USP13: variants seen among roughly 807,000 people sequenced by gnomAD.
USP13 encodes ubiquitin specific peptidase 13, also known as ubiquitin carboxyl-terminal hydrolase 13.
Under a neutral mutation model 107.8 loss-of-function variants are expected in USP13, and 68 were observed. The ratio of observed to expected loss-of-function variants is 0.63; its 90% CI spans 0.52 to 0.77. The LOEUF is 0.77. Ranked by LOEUF, USP13 falls within the 30% of genes least tolerant of loss-of-function variation. The pLI is 0.00. For missense variants in USP13, 945 were observed against 1,093.3 expected, an observed-to-expected ratio of 0.86 and a Z score of 1.91; for synonymous variants, 377 against 389.5, an observed-to-expected ratio of 0.97 and a Z score of 0.38.
intron 4 of USP13, 21 bp downstream of exon 4, chr3:179,701,150 G>A: frequency 1.4e-6 from 2 of 1,397,196 alleles, no homozygotes; most frequent in South Asian, 1.1e-5. Context: ...GTGCACGGCT[G>A]CTAGCTAGAT....
rs1362254714 is a variant in USP13, at chr3:179,707,081, G to A, written c.620+5G>A. The A allele has an allele frequency of 4.3e-6, 7 of 1,612,056 alleles. No individual in the cohort carries two copies. In the South Asian group the frequency reaches 7.7e-5, roughly 18 times the overall value. On this transcript the variant is annotated splice_donor_5th_base_variant and intron_variant, in intron 5 of 20. Coordinates refer to ENST00000263966, the MANE Select transcript of USP13 (RefSeq NM_003940.3). Reference sequence around the variant, plus strand: ...TGGAGTCAGGATTCCTCCAAGGTGAGAGTCAGATAGCAGAATGGAACTTTA... The same window carrying A: ...TGGAGTCAGGATTCCTCCAAGGTGAAAGTCAGATAGCAGAATGGAACTTTA...
intron 1 of USP13, among the ~76,000 whole-genome samples, chr3:179,666,455 C>T (rs1027349614): frequency 1.5e-4 from 23 of 152,252 alleles, no homozygotes; most frequent in African/African-American, 4.6e-4. Context: ...CTGATTAGGG[C>T]GAGTAGGCTG....
In USP13 at chr3:179,653,493, C is replaced by T. The variant is rs778900244; in HGVS notation, c.168+100C>T. ...AGTGGCGGCCGGGACCTCTTCTCTT[C>T]CTCCGGGCGGCAGAGTTGGCTCAGG... On this transcript the variant is annotated intron_variant, in intron 1 of 20. Transcript: ENST00000263966. The surrounding 1 kb of genome is among the most constrained non-coding windows in gnomAD (Gnocchi z 4.0). 1.4e-6 allele frequency: 2 copies of T among 1,454,162 alleles called. No homozygotes were observed. Among genetic ancestry groups the T allele is most frequent in the Non-Finnish European group, 1.8e-6 (2 of 1,086,914 alleles). 90.1% of individuals were successfully genotyped at this position (1,454,162 alleles called of 1,614,324 possible). A position where few individuals can be genotyped will look rare whatever the true frequency, so the allele number is the denominator to read the frequency against.
intron 17 of USP13, among the ~76,000 whole-genome samples, chr3:179,762,319 G>A (rs755524356): frequency 4.6e-5 from 7 of 152,184 alleles, no homozygotes; most frequent in African/African-American, 9.6e-5. Flanking sequence ...GGTGGCTTAC[G>A]CCTGTAATCC....
intron 14 of USP13, among the ~76,000 whole-genome samples, chr3:179,754,143 T>G (rs1188289901): frequency 6.6e-6 from 1 of 152,136 alleles, no homozygotes; most frequent in Non-Finnish European, 1.5e-5. Flanking sequence ...TAGCTAGCTA[T>G]CTTGGTCTTG....
At chr3:179,698,085 G>A (rs1239241743) in intron 3 of USP13, among the ~76,000 whole-genome samples, 1 of 152,186 alleles carries the variant, frequency 6.6e-6, no homozygotes, top group Non-Finnish European at 1.5e-5. Context: ...AGGGTGTGTA[G>A]TGTGTGCCAG....
chr3:179,772,243 A>C (rs879633840), intron 19 of USP13, among the ~76,000 whole-genome samples: 1 of 152,144 alleles, frequency 6.6e-6, no homozygotes, highest in Non-Finnish European at 1.5e-5. Flanking sequence ...TCAGGCCGTC[A>C]CTCTGACCTA....
intron 6 of USP13, among the ~76,000 whole-genome samples, chr3:179,711,473 A>G (rs2108485780): frequency 6.6e-6 from 1 of 152,330 alleles, no homozygotes; most frequent in South Asian, 2.1e-4. Flanking sequence ...TCGGCCTCTC[A>G]AAGTGTTGGG....
At chr3:179,734,672 G>A (rs940666899) in intron 10 of USP13, among the ~76,000 whole-genome samples, 5 of 152,200 alleles carry the variant, frequency 3.3e-5, no homozygotes, top group African/African-American at 4.8e-5. Flanking sequence ...GTAATAGTTC[G>A]GGAATGCCCC....
chr3:179,757,861 C>T (rs893681504), intron 16 of USP13, among the ~76,000 whole-genome samples: 7 of 152,168 alleles, frequency 4.6e-5, no homozygotes, highest in African/African-American at 1.7e-4. Flanking sequence ...AAGGGTCAGC[C>T]TGCCATGATC....
chr3:179,776,151 C>T (rs150969754), intron 19 of USP13, among the ~76,000 whole-genome samples: 1 of 152,118 alleles, frequency 6.6e-6, no homozygotes, highest in Non-Finnish European at 1.5e-5. Flanking sequence ...CTAAGTTCAT[C>T]CCCCTAGATC....
intron 1 of USP13, among the ~76,000 whole-genome samples, chr3:179,657,762 C>CAA (rs35377039): frequency 0.042 from 3,037 of 72,802 alleles, 216 homozygotes; most frequent in African/African-American, 0.096. Context: ...AATTCCGTCT[C>CAA]AAAAAAAAAA....
At chr3:179,688,182 CATCCATTCATCA>C (rs1422756596) in intron 2 of USP13, among the ~76,000 whole-genome samples, 2 of 127,586 alleles carry the variant, frequency 1.6e-5, no homozygotes, top group Admixed American at 8.4e-5. Flanking sequence ...TCCATCCATC[CATCCATTCATCA>C]ATCCATCCAT....
chr3:179,656,737 C>T (rs1720273828), intron 1 of USP13, among the ~76,000 whole-genome samples: 1 of 152,182 alleles, frequency 6.6e-6, no homozygotes, highest in African/African-American at 2.4e-5. Context: ...TGCCTTCCAC[C>T]AGACCCCATA....
intron 4 of USP13, among the ~76,000 whole-genome samples, chr3:179,702,422 C>T (rs916986983): frequency 2.6e-5 from 4 of 152,204 alleles, no homozygotes; most frequent in African/African-American, 9.6e-5. Flanking sequence ...TTTAGACATG[C>T]CTGTTCATTT....
chr3:179,677,794 G>GTGTTTTTTTC (rs1444198189), intron 1 of USP13, among the ~76,000 whole-genome samples: 2 of 151,934 alleles, frequency 1.3e-5, no homozygotes, highest in Non-Finnish European at 2.9e-5. Context: ...TAGTTGCCTA[G>GTGTTTTTTTC]TGTTTTTTTC....
chr3:179,778,799 A>G (rs925013602), intron 19 of USP13, among the ~76,000 whole-genome samples: 1 of 151,770 alleles, frequency 6.6e-6, no homozygotes, highest in African/African-American at 2.4e-5. Flanking sequence ...GCGACATGGC[A>G]GGTGTTACTT....
At chr3:179,765,941 C>A in intron 19 of USP13, 93 bp downstream of exon 19, 2 of 1,367,276 alleles carry the variant, frequency 1.5e-6, no homozygotes, top group East Asian at 2.4e-5. Context: ...AAGCCTTTGC[C>A]ATCATTCAAA....
At chr3:179,769,954 C>T (rs766207833) in intron 19 of USP13, among the ~76,000 whole-genome samples, 4 of 152,184 alleles carry the variant, frequency 2.6e-5, no homozygotes, top group South Asian at 2.1e-4. Flanking sequence ...GGTTTTAATG[C>T]AGATTACCAT....
Sources: allele counts gnomAD v4.1 joint callset (sites outside exome capture counted in the v4.1 genomes callset), GRCh38; gene constraint gnomAD v4.1.1; non-coding constraint Gnocchi (gnomAD v3.1); transcripts MANE v1.5; gene names NCBI Gene and HGNC (gene_info 2026-07-23, HGNC 2026-07-21).